Variants in ANK1 observed in about 807,000 individuals in gnomAD.
ANK1 encodes ankyrin 1, also known as ankyrin-1.
Under a neutral mutation model 210.4 loss-of-function variants are expected in ANK1, and 51 were observed. That is an observed-to-expected ratio of 0.24 (90% CI 0.19 to 0.31). The LOEUF (loss-of-function observed/expected upper bound fraction) is 0.31. Among genes scored for constraint, ANK1 ranks in the 10% least tolerant of loss-of-function variants. ANK1 has a pLI of 1.00. For missense variants in ANK1, 2,051 were observed against 2,504.4 expected, an observed-to-expected ratio of 0.82 and a Z score of 3.86; for synonymous variants, 967 against 1,025.9, an observed-to-expected ratio of 0.94 and a Z score of 1.10.
rs930974760 is a variant in ANK1 at position 41,741,890 on chromosome 8, G to T, written c.130-7821C>A. Among the ~76,000 whole-genome samples the T allele has an allele frequency of 4.6e-5, 7 of 152,246 alleles. 1 individual carries two copies. In the South Asian group the frequency reaches 1.2e-3, roughly 27 times the overall value. The stretch of plus-strand genomic sequence containing the variant: ...TCCCCATATGATCTCTTTCCACATG[G>T]TCCTAACATAGGAGATAACCTTTTA... On this transcript the variant is annotated intron_variant, in intron 2 of 42. Coordinates refer to ENST00000289734, the MANE Select transcript of ANK1 (RefSeq NM_000037.4).
intron 2 of ANK1, among the ~76,000 whole-genome samples, chr8:41,748,864 T>C (rs2150697608): frequency 6.6e-6 from 1 of 152,196 alleles, no homozygotes; most frequent in Non-Finnish European, 1.5e-5. Context: ...TGAAATCCCG[T>C]CTCTGCTAAA....
At chr8:41,819,205 C>G (rs1246721541) in intron 1 of ANK1, among the ~76,000 whole-genome samples, 1 of 152,204 alleles carries the variant, frequency 6.6e-6, no homozygotes, top group Non-Finnish European at 1.5e-5. Context: ...CCCTCGGTGT[C>G]CACGCTTCTT....
chr8:41,717,648 TCACGA>T lies in ANK1; in HGVS notation c.1256_1260del (p.Ile419LysfsTer50), dbSNP rs1828072699. 6.4e-7 allele frequency: 1 copy of T among 1,551,544 alleles called. No individual in the cohort carries two copies. Among genetic ancestry groups the T allele is most frequent in the African/African-American group, 1.4e-5 (1 of 73,056 alleles). On this transcript the variant is annotated frameshift_variant, in exon 12 of 43. Coordinates refer to ENST00000289734, the MANE Select transcript of ANK1 (RefSeq NM_000037.4). LOFTEE classifies it high-confidence loss of function. ...GACGCCCCCCGCTGCAGGAGGTTCT[TCACGA>T]TGGGAAGGTGCCCCATGAAGGAGGC...
chr8:41,725,202 C>T (rs974497452), intron 6 of ANK1, among the ~76,000 whole-genome samples: 22 of 152,200 alleles, frequency 1.4e-4, no homozygotes, highest in Admixed American at 1.4e-3. Flanking sequence ...CCCGGTGGAT[C>T]TGGGGCCGGT....
At chr8:41,825,871 G>A (rs2150793173) in intron 1 of ANK1, among the ~76,000 whole-genome samples, 1 of 152,298 alleles carries the variant, frequency 6.6e-6, no homozygotes, top group Middle Eastern at 3.4e-3. Flanking sequence ...TGTAAGATGT[G>A]CCTTTGCTCT....
intron 14 of ANK1, 144 bp downstream of exon 14, chr8:41,715,508 G>T: frequency 9.3e-7 from 1 of 1,070,516 alleles, no homozygotes; most frequent in Non-Finnish European, 1.4e-6. Flanking sequence ...GCAGGTGGTG[G>T]CCAGCCCTGA....
intron 1 of ANK1, among the ~76,000 whole-genome samples, chr8:41,827,734 C>CCA (rs10647450): frequency 0.74 from 109,845 of 147,932 alleles, 41,585 homozygotes; most frequent in African/African-American, 0.81. Flanking sequence ...TCACACACAT[C>CCA]CACACACGCA....
chr8:41,672,957 G>A (rs895741009), intron 37 of ANK1, 45 bp from the exon 38 acceptor site: 1 of 1,548,186 alleles, frequency 6.5e-7, no homozygotes, highest in African/African-American at 1.4e-5. Flanking sequence ...AGTGATTCCT[G>A]TCCCACCCAT....
intron 36 of ANK1, among the ~76,000 whole-genome samples, chr8:41,684,986 T>G (rs973852254): frequency 3.3e-5 from 5 of 152,038 alleles, no homozygotes; most frequent in Non-Finnish European, 7.3e-5. Context: ...CAGGCTGGAG[T>G]GCAATGGGGC....
intron 1 of ANK1, among the ~76,000 whole-genome samples, chr8:41,855,633 C>A (rs1812051132): frequency 6.6e-6 from 1 of 152,150 alleles, no homozygotes; most frequent in Admixed American, 6.5e-5. Flanking sequence ...CACTGCCTAC[C>A]CCAGATAGCC....
At position 41,696,432 on chromosome 8, in the gene ANK1, G is replaced by T. The variant is rs766555027; in HGVS notation, c.2891C>A (p.Pro964Gln). 1.9e-6 allele frequency: 3 copies of T among 1,613,032 alleles called. No homozygotes were observed. In the East Asian group the frequency reaches 6.7e-5, roughly 36 times the overall value. ...VKPQKLSTPP[P>Q]LAEEEGLASR... The stretch of plus-strand genomic sequence containing the variant: ...GGCCAGGCCCTCCTCCTCGGCCAGT[G>T]GGGGCGGCGTGCTGAGCTTCTGGGG... The change falls in exon 26 of 43, where the codon CCA becomes CAA. Residue 964 changes from proline to glutamine, a missense_variant. Around this residue, in one of 6 missense-constraint regions of ANK1, gnomAD observed 1,413 missense variants for 1,707.4 expected, o/e 0.83. Coordinates refer to ENST00000289734, the MANE Select transcript of ANK1 (RefSeq NM_000037.4).
intron 1 of ANK1, among the ~76,000 whole-genome samples, chr8:41,810,681 A>G (rs1049997077): frequency 6.6e-6 from 1 of 152,246 alleles, no homozygotes; most frequent in African/African-American, 2.4e-5. Flanking sequence ...GCCGAAGCGT[A>G]ATAGCCCGAT....
At chr8:41,683,318 GA>G (rs1240607753) in intron 37 of ANK1, among the ~76,000 whole-genome samples, 8 of 152,134 alleles carry the variant, frequency 5.3e-5, no homozygotes, top group Admixed American at 4.6e-4. Flanking sequence ...AATGGGACGT[GA>G]TCAGCAGATG....
Position 41,797,575 on chromosome 8 carries a change from G to A in ANK1, c.-37C>T, listed in dbSNP as rs1242106437. On this transcript the variant is annotated 5_prime_UTR_variant, in exon 1 of 43. Coordinates refer to ENST00000289734, the MANE Select transcript of ANK1 (RefSeq NM_000037.4). This position sits in a 1 kb window ranked among gnomAD's most constrained non-coding sequence, Gnocchi z 4.0. ...AGCAGGGGCCCGCCGAAGGGCCTTG[G>A]GGGCTTGAGGAGGAGCAGCTGGGGC... 3 of 1,612,308 alleles carry A rather than the reference G, an allele frequency of 1.9e-6. No individual in the cohort carries two copies. Among genetic ancestry groups the A allele is most frequent in the Non-Finnish European group, 2.5e-6 (3 of 1,179,586 alleles).
At chr8:41,869,245 G>T (rs1306624446) in intron 1 of ANK1, among the ~76,000 whole-genome samples, 1 of 152,196 alleles carries the variant, frequency 6.6e-6, no homozygotes, top group East Asian at 1.9e-4. Context: ...AGGACTGGCA[G>T]GAGCCCGTTG....
intron 1 of ANK1, among the ~76,000 whole-genome samples, chr8:41,881,523 T>G (rs901331758): frequency 2.0e-5 from 3 of 152,234 alleles, no homozygotes; most frequent in African/African-American, 7.2e-5. Flanking sequence ...GGGGATGCTA[T>G]TTTATCTTAC....
At position 41,896,601 on chromosome 8, in the gene ANK1, C is replaced by A. The variant is rs1202249292; in HGVS notation, c.-121G>T. 8.5e-6 allele frequency: 11 copies of A among 1,291,854 alleles called. No homozygotes were observed. In the African/African-American group the frequency reaches 1.2e-4, roughly 15 times the overall value. The allele number at this position is 1,291,854 out of a possible 1,614,324, so 80.0% of individuals were successfully genotyped here. On this transcript the variant is annotated 5_prime_UTR_variant, in exon 1 of 43. Coordinates refer to the ANK1 transcript ENST00000265709. ...TCCACAGAGGGGACAGCGTTCGTGG[C>A]GCCCCGAGGGCCGGCTGCTGCGGGG...
At chr8:41,843,388 C>A (rs1809380492) in intron 1 of ANK1, among the ~76,000 whole-genome samples, 1 of 152,088 alleles carries the variant, frequency 6.6e-6, no homozygotes, top group African/African-American at 2.4e-5. Context: ...ACCCACTTCT[C>A]TTCATTTCCC....
At chr8:41,878,115 C>A (rs1012660723) in intron 1 of ANK1, among the ~76,000 whole-genome samples, 3 of 152,234 alleles carry the variant, frequency 2.0e-5, no homozygotes, top group Admixed American at 2.0e-4. Context: ...CTTCTCAAAC[C>A]CATTATGCGA....
Sources: allele counts gnomAD v4.1 joint callset (sites outside exome capture counted in the v4.1 genomes callset), GRCh38; gene constraint gnomAD v4.1.1; regional missense constraint gnomAD v4.1.1; non-coding constraint Gnocchi (gnomAD v3.1); transcripts MANE v1.5; gene names NCBI Gene and HGNC (gene_info 2026-07-23, HGNC 2026-07-21).